LRCH4: variants seen among roughly 807,000 people sequenced by gnomAD.
LRCH4 encodes the protein leucine rich repeats and calponin homology domain containing 4.
LRCH4 carries 56 observed loss-of-function variants against 81.2 expected under a neutral mutation model. That is an observed-to-expected ratio of 0.69 (90% confidence interval 0.56 to 0.86). The LOEUF (loss-of-function observed/expected upper bound fraction) is 0.86. Ranked by LOEUF, LRCH4 falls within the 40% of genes least tolerant of loss-of-function variation. The pLI, the probability that LRCH4 is intolerant of heterozygous loss-of-function variation, is 0.00. For missense variants in LRCH4, 895 were observed against 922.8 expected (o/e 0.97, Z 0.39); for synonymous variants, 442 against 409.7 (o/e 1.08, Z -0.95).
rs760345848 is a variant in LRCH4 at position 100,577,282 on chromosome 7, C to A, written c.1286G>T (p.Arg429Met). 1 of 1,600,126 alleles carries A rather than the reference C, an allele frequency of 6.2e-7. No homozygotes were observed. Among genetic ancestry groups the A allele is most frequent in the African/African-American group, 1.3e-5 (1 of 74,862 alleles). ...CGGCCCTGGGTCCCACCTATCCTTC[C>A]TCGGGGCCCCCCACGCCCCGCTCTG... is the stretch of plus-strand genomic sequence containing the variant. Reference protein sequence around the residue: ...QQQSGAWGAPRKDSLLKPGLR... With the variant: ...QQQSGAWGAPMKDSLLKPGLR... Residue 429 changes from arginine to methionine, a missense_variant, in exon 11 of 18, where the codon AGG (arginine) becomes ATG (methionine). By Grantham distance (91) the Arg-to-Met change is moderately conservative (BLOSUM62 -1). Around this residue, in one of 3 missense-constraint regions of LRCH4, gnomAD observed 529 missense variants for 504.9 expected, o/e 1.05. Transcript: ENST00000310300. This position sits in a 1 kb window ranked among gnomAD's most constrained non-coding sequence, Gnocchi z 6.7.
rs1476149728 is a variant in LRCH4 at position 100,576,907 on chromosome 7, C to A, written c.1463G>T (p.Gly488Val). Residue 488 changes from glycine to valine, a missense_variant, in exon 13 of 18, where the codon GGA becomes GTA. Physicochemically the swap from Gly to Val is moderately radical, Grantham distance 109 (BLOSUM62 -3). Transcript: ENST00000310300. The stretch of plus-strand genomic sequence containing the variant: ...TCCCAAAATCCCTGTCCCACCTGGT[C>A]CAGCTATGGGAAGGGGCTCTTGGGA... Reference protein sequence around the residue: ...PASQEPLPIAGPATAPAPRPL... With the variant: ...PASQEPLPIAVPATAPAPRPL... The A allele has an allele frequency of 6.4e-7, 1 of 1,553,308 alleles. No individual in the cohort carries two copies.
At position 100,581,831 on chromosome 7, in the gene LRCH4, A is replaced by G; in HGVS notation, c.544T>C (p.Ser182Pro). 6.2e-7 allele frequency: 1 copy of G among 1,614,174 alleles called. No individual in the cohort carries two copies. The highest frequency in any genetic ancestry group is 8.5e-7 in the Non-Finnish European group (1 of 1,180,012). Reference protein sequence around the residue: ...QSLPSELCGLSSLRDLNVRRN... With the variant: ...QSLPSELCGLPSLRDLNVRRN... ...CGGACATTGAGGTCCCGCAGGGAAG[A>G]GAGGCCACACAGTTCCGAGGGCAGG... Residue 182 changes from serine to proline, a missense_variant, in exon 4 of 18, where the codon TCT (serine) becomes CCT (proline). Physicochemically the swap from Ser to Pro is moderately conservative, Grantham distance 74. Coordinates refer to ENST00000310300, the MANE Select transcript of LRCH4 (RefSeq NM_002319.5).
chr7:100,585,587 C>G (rs1013581742), intron 1 of LRCH4, among the ~76,000 whole-genome samples: 1 of 151,924 alleles, frequency 6.6e-6, no homozygotes, highest in African/African-American at 2.4e-5. Flanking sequence ...AATAAGCCAA[C>G]CAGGTGAGGG....
chr7:100,582,211 C>T lies in LRCH4; in HGVS notation c.366-44G>A. 6.2e-7 allele frequency: 1 copy of T among 1,613,332 alleles called. No homozygotes were observed. The highest frequency in any genetic ancestry group is 1.3e-5 in the African/African-American group (1 of 75,052). On this transcript the variant is annotated intron_variant, in intron 2 of 17. Transcript: ENST00000310300. This position sits in a 1 kb window ranked among gnomAD's most constrained non-coding sequence, Gnocchi z 5.0. ...CAGCGGACTGGCTCCCCAGGCATGG[C>T]ATCCCAGCACTGCCATCCTCTCGGG...
At chr7:100,576,580 A>T in intron 14 of LRCH4, 114 bp downstream of exon 14, 1 of 947,618 alleles carries the variant, frequency 1.1e-6, no homozygotes, top group Non-Finnish European at 1.6e-6. Flanking sequence ...TGGGATTTTC[A>T]ACGCAAAGGT....
chr7:100,585,893 T>TAG lies in LRCH4; in HGVS notation c.207_208insCT (p.Ile70LeufsTer28). On this transcript the variant is annotated frameshift_variant, in exon 1 of 18. Transcript: ENST00000310300. LOFTEE classifies it high-confidence loss of function. ...CGGCTGCACTCACCAGCCTGGGTGA[T>TAG]GTCTGACAGGTCGTAGCTACGGGCC... 1 of 1,607,944 alleles carries TAG rather than the reference T, an allele frequency of 6.2e-7. No individual in the cohort carries two copies. Among genetic ancestry groups the TAG allele is most frequent in the Non-Finnish European group, 8.5e-7 (1 of 1,176,570 alleles).
intron 1 of LRCH4, among the ~76,000 whole-genome samples, 185 bp downstream of exon 1, chr7:100,585,696 C>T (rs537802870): frequency 1.6e-4 from 24 of 152,228 alleles, no homozygotes; most frequent in African/African-American, 5.8e-4. Context: ...AAACGAGAAG[C>T]ACGTTCATTG....
chr7:100,575,254 C>A lies in LRCH4; in HGVS notation c.1905G>T (p.Leu635=), dbSNP rs373589205. The A allele has an allele frequency of 6.9e-6, 11 of 1,585,312 alleles. No individual in the cohort carries two copies. In the African/African-American group the frequency reaches 1.5e-4, roughly 21 times the overall value. Residue 635 remains leucine (L), a synonymous_variant, in exon 18 of 18, where the codon CTG becomes CTT. Transcript: ENST00000310300. The surrounding 1 kb of genome is among the most constrained non-coding windows in gnomAD (Gnocchi z 5.3). ...SDLLQGTARG[L]RTALEAVKRV... The stretch of plus-strand genomic sequence containing the variant: ...GCTTCACGGCCTCCAGCGCGGTCCG[C>A]AGCCCCCGGGCAGTGCCCTGGAGGA...
rs755430722 is a variant in LRCH4, at chr7:100,577,514, C to T, written c.1161G>A (p.Glu387=). The change falls in exon 10 of 18, where the codon GAG becomes GAA. Residue 387 remains glutamate, a synonymous_variant. Coordinates refer to ENST00000310300, the MANE Select transcript of LRCH4 (RefSeq NM_002319.5). The surrounding 1 kb of genome is among the most constrained non-coding windows in gnomAD (Gnocchi z 6.7). ...PELSPGAGDR[E]RAPSSRREEP... ...TGGGGTACCTGCTGCTTGGTGCCCTCTCCCTGTCCCCTGCCCCAGGGCTTA... is the reference window on the plus strand; with the variant it reads ...TGGGGTACCTGCTGCTTGGTGCCCTTTCCCTGTCCCCTGCCCCAGGGCTTA... The T allele has an allele frequency of 6.2e-7, 1 of 1,609,748 alleles. No homozygotes were observed. Among genetic ancestry groups the T allele is most frequent in the African/African-American group, 1.3e-5 (1 of 75,034 alleles).
At chr7:100,576,573 G>A (rs901616731) in intron 14 of LRCH4, 121 bp downstream of exon 14, 1 of 899,356 alleles carries the variant, frequency 1.1e-6, no homozygotes, top group African/African-American at 1.7e-5. Flanking sequence ...TTGCTTGTGG[G>A]ATTTTCAACG....
In LRCH4 at chr7:100,578,373, T is replaced by C; in HGVS notation, c.848+26A>G. 2 of 1,608,448 alleles carry C rather than the reference T, an allele frequency of 1.2e-6. No individual in the cohort carries two copies. The highest frequency in any genetic ancestry group is 1.7e-6 in the Non-Finnish European group (2 of 1,175,326). ...GAAGGGGCATTCAGTATCCCAGGGC[T>C]TCCTTCCTCCCCACCTAGGACTTAC... On this transcript the variant is annotated intron_variant, in intron 6 of 17. Coordinates refer to ENST00000310300, the MANE Select transcript of LRCH4 (RefSeq NM_002319.5). This position sits in a 1 kb window ranked among gnomAD's most constrained non-coding sequence, Gnocchi z 5.7.
intron 4 of LRCH4, 70 bp downstream of exon 4, chr7:100,581,707 C>T (rs932710081): frequency 2.1e-5 from 28 of 1,347,018 alleles, no homozygotes; most frequent in Non-Finnish European, 3.0e-5. Context: ...GCAGTGTTTT[C>T]GTTACCGCAG....
In LRCH4 at chr7:100,585,069, G is replaced by A. The variant is rs185143921; in HGVS notation, c.220+812C>T. ...TTGGACAGATCCTGCGGGTGGAGGCGTGGAAGGACAGTCTCTAGCTGGCCA... is the reference window on the plus strand; with the variant it reads ...TTGGACAGATCCTGCGGGTGGAGGCATGGAAGGACAGTCTCTAGCTGGCCA... On this transcript the variant is annotated intron_variant, in intron 1 of 17. Coordinates refer to ENST00000310300, the MANE Select transcript of LRCH4 (RefSeq NM_002319.5). 2.3e-4 allele frequency: 61 copies of A among 261,788 alleles called. 1 individual carries two copies. The highest frequency in any genetic ancestry group is 1.2e-3 in the African/African-American group (54 of 43,854). The allele number at this position is 261,788 out of a possible 1,614,324, so 16.2% of individuals were successfully genotyped here.
intron 14 of LRCH4, 150 bp downstream of exon 14, chr7:100,576,544 G>T: frequency 2.7e-6 from 2 of 742,898 alleles, no homozygotes; most frequent in South Asian, 1.8e-5. Context: ...GATTACAGGT[G>T]TGAGCCACCA....
intron 15 of LRCH4, 22 bp downstream of exon 15, chr7:100,576,216 C>G: frequency 6.2e-7 from 1 of 1,611,434 alleles, no homozygotes; most frequent in Non-Finnish European, 8.5e-7. Context: ...CCCCTGCCCA[C>G]GCAGCTCCCG....
Position 100,576,782 on chromosome 7 carries a change from G to A in LRCH4, c.1469-5C>T, listed in dbSNP as rs1801374980. The A allele has an allele frequency of 1.3e-6, 2 of 1,585,586 alleles. No individual in the cohort carries two copies. The highest frequency in any genetic ancestry group is 8.6e-7 in the Non-Finnish European group (1 of 1,165,380). ...GCCGTGGAGCAGGTGCTGTCGCTGG[G>A]GCCGGAACCAGGGACACAGCGACAG... On this transcript the variant is annotated splice_region_variant and splice_polypyrimidine_tract_variant and intron_variant, in intron 13 of 17. Transcript: ENST00000310300.
In LRCH4 at chr7:100,575,974, T is replaced by C; in HGVS notation, c.1673A>G (p.Glu558Gly). The stretch of plus-strand genomic sequence containing the variant: ...ACTGGCCAGAGCCTCGGCCAGGTCC[T>C]CAGGCAGGGGCCGCTGCAGCCGGGA... ...LESRLQRPLP[E>G]DLAEALASGV... The change falls in exon 16 of 18, where the codon GAG becomes GGG. Residue 558 changes from glutamate (E) to glycine (G), a missense_variant. Coordinates refer to ENST00000310300, the MANE Select transcript of LRCH4 (RefSeq NM_002319.5). The surrounding 1 kb of genome is among the most constrained non-coding windows in gnomAD (Gnocchi z 5.3). The C allele has an allele frequency of 6.2e-7, 1 of 1,608,608 alleles. No homozygotes were observed. Among genetic ancestry groups the C allele is most frequent in the Non-Finnish European group, 8.5e-7 (1 of 1,179,050 alleles).
At position 100,578,971 on chromosome 7, in the gene LRCH4, G is replaced by A. The variant is rs912105122; in HGVS notation, c.599-185C>T. On this transcript the variant is annotated intron_variant, in intron 4 of 17. Transcript: ENST00000310300. The surrounding 1 kb of genome is among the most constrained non-coding windows in gnomAD (Gnocchi z 5.7). ...CTCTCTCCACATGATTCTGGTCCACGGTCTAAGCGAGCCTCCCTGAGAGGG... is the reference window on the plus strand; with the variant it reads ...CTCTCTCCACATGATTCTGGTCCACAGTCTAAGCGAGCCTCCCTGAGAGGG... 2.2e-5 allele frequency: 14 copies of A among 627,758 alleles called. No individual in the cohort carries two copies. The highest frequency in any genetic ancestry group is 8.6e-5 in the East Asian group (3 of 34,894). The allele number at this position is 627,758 out of a possible 1,614,324, so 38.9% of individuals were successfully genotyped here.
chr7:100,575,548 AG>A lies in LRCH4; in HGVS notation c.1854+156del. On this transcript the variant is annotated intron_variant, in intron 17 of 17. Transcript: ENST00000310300. The surrounding 1 kb of genome is among the most constrained non-coding windows in gnomAD (Gnocchi z 5.3). Reference sequence around the variant, plus strand: ...GTGTAGGACAGGTGACATGCAGGGCAGGGGGCATGCAGGGCAGGGGGCATGC... The same window carrying A: ...GTGTAGGACAGGTGACATGCAGGGCAGGGGCATGCAGGGCAGGGGGCATGC... 1.0e-6 allele frequency: 1 copy of A among 953,214 alleles called. No individual in the cohort carries two copies. Among genetic ancestry groups the A allele is most frequent in the Non-Finnish European group, 1.7e-6 (1 of 586,636 alleles). 59.0% of individuals were successfully genotyped at this position (953,214 alleles called of 1,614,324 possible).
Sources: gnomAD v4.1 joint callset for allele counts (sites outside exome capture counted in the v4.1 genomes callset) on GRCh38, gnomAD v4.1.1 for gene constraint, gnomAD v4.1.1 regional missense constraint, Gnocchi (gnomAD v3.1) non-coding constraint, MANE v1.5 for transcripts, NCBI Gene and HGNC (gene_info 2026-07-23, HGNC 2026-07-21) for gene names.